GGT1: variants seen among roughly 807,000 people sequenced by gnomAD.
The protein encoded by GGT1 is gamma-glutamyltransferase 1, also known as glutathione hydrolase 1 proenzyme.
A neutral mutation model predicts 56.0 loss-of-function variants in GGT1; 21 were observed. The observed-to-expected ratio is 0.38, with a 90% CI of 0.27 to 0.54. The LOEUF (loss-of-function observed/expected upper bound fraction) is 0.54, where lower values mean the gene tolerates loss of function less well. Ranked by LOEUF, GGT1 falls within the 20% of genes least tolerant of loss-of-function variation. GGT1 has a pLI of 0.82. For synonymous variants in GGT1, 238 were observed against 342.6 expected (o/e 0.69, Z 3.37); for missense variants, 466 against 787.0 (o/e 0.59, Z 4.88).
chr22:24,593,949 C>G (rs1003263683), upstream of GGT1, among the ~76,000 whole-genome samples: 1 of 152,196 alleles, frequency 6.6e-6, no homozygotes, highest in African/African-American at 2.4e-5. Context: ...GGAAATAAAC[C>G]GGACGAAGAG....
intron 1 of GGT1, among the ~76,000 whole-genome samples, chr22:24,595,409 G>C (rs556679497): frequency 2.0e-5 from 3 of 152,184 alleles, no homozygotes; most frequent in Admixed American, 6.5e-5. Flanking sequence ...TGTTCTTCAC[G>C]GAGGGCTGCT....
chr22:24,605,743 TGTG>T (rs1289418948), intron 1 of GGT1, among the ~76,000 whole-genome samples: 1 of 81,364 alleles, frequency 1.2e-5, no homozygotes, highest in Non-Finnish European at 1.9e-5. Flanking sequence ...TATTATATAA[TGTG>T]TATTATATAT....
At chr22:24,603,918 G>A (rs1167254024) in intron 1 of GGT1, among the ~76,000 whole-genome samples, 1 of 151,960 alleles carries the variant, frequency 6.6e-6, no homozygotes, top group Non-Finnish European at 1.5e-5. Flanking sequence ...CCAACTCCAG[G>A]GGGCGCCTGC....
intron 5 of GGT1, among the ~76,000 whole-genome samples, chr22:24,611,586 CTATCTATCTAT>C (rs2046690953): frequency 7.3e-6 from 1 of 136,618 alleles, no homozygotes; most frequent in Non-Finnish European, 1.6e-5. Context: ...ATCTATCTAT[CTATCTATCTAT>C]CTACTATCTA....
chr22:24,584,159 C>T, the GGT1 span, among the ~76,000 whole-genome samples: 1 of 152,176 alleles, frequency 6.6e-6, no homozygotes, highest in South Asian at 2.1e-4. Flanking sequence ...TAGGGAAACA[C>T]TTCTATGGCT....
In GGT1 at chr22:24,605,585, TATA is replaced by T. The variant is rs1380612913; in HGVS notation, c.-429+2062_-429+2064del. On this transcript the variant is annotated intron_variant, in intron 1 of 15. Transcript: ENST00000400382. ...AATATTATATAATGTGTATTATATA[TATA>T]ATATTATATAATGTGTATTATATAT... Among the ~76,000 whole-genome samples the T allele has an allele frequency of 1.4e-4, 8 of 56,126 alleles. 3 individuals are homozygous for T. The South Asian group carries it at 2.1e-3, about 14-fold the overall frequency. The allele number at this position is 56,126 out of a possible 152,430, so 36.8% of individuals were successfully genotyped here. A position where few individuals can be genotyped will look rare whatever the true frequency, so the allele number is the denominator to read the frequency against.
chr22:24,586,851 T>C, the GGT1 span, among the ~76,000 whole-genome samples: 5 of 152,340 alleles, frequency 3.3e-5, no homozygotes, highest in East Asian at 7.7e-4. Context: ...ACTTTCTAAG[T>C]GGGTGGCCAT....
chr22:24,603,566 G>C (rs2045836528), intron 1 of GGT1, 39 bp downstream of exon 1: 1 of 152,488 alleles, frequency 6.6e-6, no homozygotes, highest in African/African-American at 2.4e-5. Context: ...ACTGGGTCTG[G>C]GCTGGGGGCC....
At chr22:24,619,545 G>A (rs2047280586) in intron 7 of GGT1, among the ~76,000 whole-genome samples, 2 of 151,980 alleles carry the variant, frequency 1.3e-5, no homozygotes, top group South Asian at 2.1e-4. Context: ...CTCCAGCTGG[G>A]ACAACAGAAT....
upstream of GGT1, chr22:24,592,992 C>T: frequency 8.7e-7 from 1 of 1,154,188 alleles, no homozygotes; most frequent in Non-Finnish European, 1.1e-6. Context: ...CCGCCCCGGC[C>T]TCAGAGCCAG....
At chr22:24,584,319 A>G in the GGT1 span, among the ~76,000 whole-genome samples, 4 of 152,344 alleles carry the variant, frequency 2.6e-5, no homozygotes, top group African/African-American at 9.6e-5. Flanking sequence ...CAGGTCCCAC[A>G]GCAAGTCAGG....
At position 24,624,582 on chromosome 22, in the gene GGT1, A is replaced by T. The variant is rs1304174968; in HGVS notation, c.1020+666A>T. ...CCTCTGACTCCCGCTGCAGCCAGTG[A>T]CCTGGTGTCTTGTCTCTCTGAGGGG... On this transcript the variant is annotated intron_variant, in intron 11 of 15. Transcript: ENST00000400382. 7 of 976,112 alleles carry T rather than the reference A, an allele frequency of 7.2e-6. No homozygotes were observed. The Admixed American group carries it at 2.5e-4, about 34-fold the overall frequency. 60.5% of individuals were successfully genotyped at this position (976,112 alleles called of 1,614,324 possible).
At chr22:24,587,250 G>A in the GGT1 span, among the ~76,000 whole-genome samples, 1 of 152,204 alleles carries the variant, frequency 6.6e-6, no homozygotes, top group African/African-American at 2.4e-5. Flanking sequence ...TGAAAGGGGA[G>A]GTCCTGGGTG....
At chr22:24,583,766 A>G in the GGT1 span, 1 of 471,080 alleles carries the variant, frequency 2.1e-6, no homozygotes, top group Non-Finnish European at 4.4e-6. Context: ...ATTCTCCCAG[A>G]GATTGCCTGG....
At chr22:24,586,237 G>C in the GGT1 span, 1 of 1,613,770 alleles carries the variant, frequency 6.2e-7, no homozygotes. Flanking sequence ...TGGGCAGCAG[G>C]AGGTGCAGCA....
rs144990770 is a variant in GGT1 at position 24,616,889 on chromosome 22, G to A, written c.382+1762G>A. 3.9e-3 allele frequency among the ~76,000 whole-genome samples: 595 copies of A among 152,220 alleles called. 4 individuals carry two copies. Among genetic ancestry groups the A allele is most frequent in the African/African-American group, 0.012 (514 of 41,540 alleles). ...ATACTCATTGAGAAACTCAGCATTT[G>A]TAGACATGAAGTTGCTCAGGGTAAG... On this transcript the variant is annotated intron_variant, in intron 7 of 15. Coordinates refer to ENST00000400382, the MANE Select transcript of GGT1 (RefSeq NM_001288833.2).
At chr22:24,592,711 C>T, upstream of GGT1, 1 of 1,280,178 alleles carries the variant, frequency 7.8e-7, no homozygotes, top group Non-Finnish European at 1.0e-6. Flanking sequence ...CCTGTCGCGC[C>T]CTCGGAACCC....
upstream of GGT1, among the ~76,000 whole-genome samples, chr22:24,594,391 A>ATATG (rs754808196): frequency 6.3e-5 from 9 of 142,304 alleles, no homozygotes; most frequent in African/African-American, 2.5e-4. Context: ...ACCCGTGTGT[A>ATATG]TGTGTGTGTG....
rs1175492541 is a variant in GGT1, at chr22:24,605,180, ATATAT to A, written c.-429+1659_-429+1663del. ...TATATTATATATTATATAATATGTA[ATATAT>A]TATATAATATATAATATGTATTATA... On this transcript the variant is annotated intron_variant, in intron 1 of 15. Transcript: ENST00000400382. 1.0e-3 allele frequency among the ~76,000 whole-genome samples: 67 copies of A among 63,912 alleles called. 20 individuals carry two copies. In the East Asian group the frequency reaches 0.018, roughly 17 times the overall value. The allele number at this position is 63,912 out of a possible 152,430, so 41.9% of individuals were successfully genotyped here. A position where few individuals can be genotyped will look rare whatever the true frequency, so the allele number is the denominator to read the frequency against.
Sources: gnomAD v4.1 joint callset for allele counts (sites outside exome capture counted in the v4.1 genomes callset) on GRCh38, gnomAD v4.1.1 for gene constraint, MANE v1.5 for transcripts, NCBI Gene and HGNC (gene_info 2026-07-23, HGNC 2026-07-21) for gene names.